PCED1B: variants seen among roughly 807,000 people sequenced by gnomAD.
PCED1B encodes the protein PC-esterase domain-containing protein 1B.
For synonymous variants in PCED1B, 251 were observed against 246.1 expected (o/e 1.02, Z -0.19); for missense variants, 573 against 573.9 (o/e 1.00, Z 0.02).
At chr12:47,157,743 C>A (rs1287345675) in intron 2 of PCED1B, among the ~76,000 whole-genome samples, 1 of 152,170 alleles carries the variant, frequency 6.6e-6, no homozygotes, top group Admixed American at 6.5e-5. Context: ...GGATCCATCT[C>A]TGTAACTATT....
At chr12:47,198,358 A>T (rs1413788830) in intron 2 of PCED1B, among the ~76,000 whole-genome samples, 1 of 152,246 alleles carries the variant, frequency 6.6e-6, no homozygotes, top group African/African-American at 2.4e-5. Flanking sequence ...TTCATAGTTT[A>T]GAGAAAAATC....
chr12:47,224,423 C>T (rs74631816), intron 3 of PCED1B, among the ~76,000 whole-genome samples: 10 of 152,254 alleles, frequency 6.6e-5, no homozygotes, highest in African/African-American at 2.4e-4. Context: ...AATTTTTAAA[C>T]TTGGTAATTT....
chr12:47,150,665 G>A (rs1174933052), intron 2 of PCED1B, among the ~76,000 whole-genome samples: 2 of 152,030 alleles, frequency 1.3e-5, no homozygotes, highest in Non-Finnish European at 2.9e-5. Flanking sequence ...GATACATGGG[G>A]GAGAGCATTT....
In PCED1B at chr12:47,095,243, C is replaced by G. The variant is rs1307562569; in HGVS notation, c.-608-8870C>G. ...ATAATTCTAGTCTGGCAATTATTTT[C>G]TTTAAGCTCTTAAAGTTGACAATAT... On this transcript the variant is annotated intron_variant, in intron 1 of 3. Coordinates refer to ENST00000546455, the MANE Select transcript of PCED1B (RefSeq NM_138371.3). Among the ~76,000 whole-genome samples the G allele has an allele frequency of 2.6e-5, 4 of 152,074 alleles. No individual in the cohort carries two copies. In the East Asian group the frequency reaches 7.7e-4, roughly 29 times the overall value.
At chr12:47,183,948 GGT>G (rs1210029087) in intron 2 of PCED1B, among the ~76,000 whole-genome samples, 7 of 152,222 alleles carry the variant, frequency 4.6e-5, no homozygotes, top group Non-Finnish European at 7.3e-5. Context: ...GAACAGATAT[GGT>G]TCCTGCTGAG....
rs190066705 is a variant in PCED1B at position 47,199,053 on chromosome 12, A to G, written c.-525-17169A>G. On this transcript the variant is annotated intron_variant, in intron 2 of 3. Coordinates refer to ENST00000546455, the MANE Select transcript of PCED1B (RefSeq NM_138371.3). Reference sequence around the variant, plus strand: ...AAAACCATCCTGGAACTATTATAGTAAGTAATTATAGCAAGGTCACATAAC... The same window carrying G: ...AAAACCATCCTGGAACTATTATAGTGAGTAATTATAGCAAGGTCACATAAC... Among the ~76,000 whole-genome samples the G allele has an allele frequency of 3.3e-5, 5 of 152,292 alleles. No homozygotes were observed. The East Asian group carries it at 9.6e-4, about 29-fold the overall frequency.
chr12:47,116,097 A>G (rs1447350637), intron 2 of PCED1B, among the ~76,000 whole-genome samples: 1 of 152,234 alleles, frequency 6.6e-6, no homozygotes, highest in Non-Finnish European at 1.5e-5. Context: ...TTTTGTTTCA[A>G]AATATGATGG....
At position 47,107,645 on chromosome 12, in the gene PCED1B, A is replaced by G. The variant is rs1939014077; in HGVS notation, c.-526+3450A>G. On this transcript the variant is annotated intron_variant, in intron 2 of 3. Coordinates refer to ENST00000546455, the MANE Select transcript of PCED1B (RefSeq NM_138371.3). Reference sequence around the variant, plus strand: ...AGGTGGCACAGGCACCAACAGGCAGACGGGGCTGGCAGTGACCCTGGCAGG... The same window carrying G: ...AGGTGGCACAGGCACCAACAGGCAGGCGGGGCTGGCAGTGACCCTGGCAGG... Among the ~76,000 whole-genome samples, 3 of 152,186 alleles carry G rather than the reference A, an allele frequency of 2.0e-5. No homozygotes were observed. The South Asian group carries it at 6.2e-4, about 32-fold the overall frequency.
chr12:47,093,129 T>C (rs1288006634), intron 1 of PCED1B, among the ~76,000 whole-genome samples: 3 of 151,964 alleles, frequency 2.0e-5, no homozygotes, highest in African/African-American at 4.8e-5. Flanking sequence ...AGGCTTTTCT[T>C]TTTTAAAATA....
chr12:47,097,752 G>T (rs188162791), intron 1 of PCED1B, among the ~76,000 whole-genome samples: 1 of 152,134 alleles, frequency 6.6e-6, no homozygotes, highest in African/African-American at 2.4e-5. Context: ...CACAAGGCAC[G>T]GAGTAGGTGC....
At chr12:47,170,314 A>T (rs1289537168) in intron 2 of PCED1B, among the ~76,000 whole-genome samples, 1 of 152,198 alleles carries the variant, frequency 6.6e-6, no homozygotes, top group Non-Finnish European at 1.5e-5. Context: ...AGACACAGTA[A>T]CAATCTGATC....
intron 3 of PCED1B, among the ~76,000 whole-genome samples, chr12:47,230,270 G>A (rs1230154269): frequency 6.6e-6 from 1 of 151,036 alleles, no homozygotes; most frequent in African/African-American, 2.4e-5. Flanking sequence ...ACTTTTAGTA[G>A]AGACGGGGTT....
intron 2 of PCED1B, among the ~76,000 whole-genome samples, chr12:47,148,691 C>T (rs1940881983): frequency 6.6e-6 from 1 of 152,164 alleles, no homozygotes; most frequent in Admixed American, 6.5e-5. Flanking sequence ...ATACTTTGTC[C>T]AGTTGTTCAC....
intron 3 of PCED1B, among the ~76,000 whole-genome samples, chr12:47,219,605 C>T (rs1943410636): frequency 6.6e-6 from 1 of 152,222 alleles, no homozygotes; most frequent in South Asian, 2.1e-4. Context: ...AGCTTTAGTG[C>T]AGCACTGGGT....
At chr12:47,134,581 A>T (rs1940270547) in intron 2 of PCED1B, among the ~76,000 whole-genome samples, 1 of 152,194 alleles carries the variant, frequency 6.6e-6, no homozygotes, top group Non-Finnish European at 1.5e-5. Context: ...TATTTAACAA[A>T]GTCTTAGGTC....
chr12:47,155,280 G>A (rs1181858213), intron 2 of PCED1B, among the ~76,000 whole-genome samples: 2 of 152,140 alleles, frequency 1.3e-5, no homozygotes, highest in Admixed American at 1.3e-4. Context: ...TTTCTCCATT[G>A]TAAGACACTC....
Position 47,148,803 on chromosome 12 carries a change from G to C in PCED1B, c.-526+44608G>C, listed in dbSNP as rs1940885998. Among the ~76,000 whole-genome samples, 5 of 152,170 alleles carry C rather than the reference G, an allele frequency of 3.3e-5. No homozygotes were observed. The South Asian group carries it at 1.0e-3, about 32-fold the overall frequency. On this transcript the variant is annotated intron_variant, in intron 2 of 3. Coordinates refer to ENST00000546455, the MANE Select transcript of PCED1B (RefSeq NM_138371.3). ...TGACTACTCTATCCTCCAGATTTTG[G>C]TGCAGCTGACTAGAGTCTCTTAAAT... is the stretch of plus-strand genomic sequence containing the variant.
chr12:47,136,927 G>A (rs1288554982), intron 2 of PCED1B, among the ~76,000 whole-genome samples: 4 of 152,140 alleles, frequency 2.6e-5, no homozygotes, highest in South Asian at 2.1e-4. Flanking sequence ...CCTTTGCCAC[G>A]TAACCTTGGG....
intron 3 of PCED1B, among the ~76,000 whole-genome samples, chr12:47,220,821 T>G (rs1212462451): frequency 6.6e-6 from 1 of 152,180 alleles, no homozygotes; most frequent in Non-Finnish European, 1.5e-5. Flanking sequence ...CAAAATTGTC[T>G]TTTAACGTGA....
Sources: gnomAD v4.1 joint callset for allele counts (sites outside exome capture counted in the v4.1 genomes callset) on GRCh38, gnomAD v4.1.1 for gene constraint, MANE v1.5 for transcripts, NCBI Gene and HGNC (gene_info 2026-07-23, HGNC 2026-07-21) for gene names.